The following CHD2 variants were observed in gnomAD, a reference collection of about 807,000 sequenced individuals.
CHD2 encodes chromodomain helicase DNA binding protein 2, also known as ATP-dependent chromatin remodeler CHD2.
CHD2 carries 28 observed loss-of-function variants against 243.9 expected under a neutral mutation model. The observed-to-expected ratio is 0.11, with a 90% confidence interval of 0.09 to 0.16. The LOEUF is 0.16. CHD2 is among the 10% of genes least tolerant of loss of function. The probability of loss-of-function intolerance (pLI) is 1.00; values close to 1 mark genes in which losing one functional copy is unlikely to be tolerated. For missense variants in CHD2, 1,386 were observed against 2,209.8 expected, an observed-to-expected ratio of 0.63 and a Z score of 7.47; for synonymous variants, 775 against 779.0, an observed-to-expected ratio of 0.99 and a Z score of 0.09.
intron 35 of CHD2, among the ~76,000 whole-genome samples, chr15:93,011,075 T>G (rs575372355): frequency 6.7e-6 from 1 of 150,318 alleles, no homozygotes. Flanking sequence ...CATCTGGCCT[T>G]TTTTTTTTTT....
Position 92,939,579 on chromosome 15 carries a change from A to G in CHD2, c.553A>G (p.Thr185Ala), listed in dbSNP as rs1442904433. 9.9e-6 allele frequency: 16 copies of G among 1,612,584 alleles called. No individual in the cohort carries two copies. The African/African-American group carries it at 1.9e-4, about 19-fold the overall frequency. The change falls in exon 7 of 39, where the codon ACA (threonine) becomes GCA (alanine). Residue 185 changes from threonine to alanine, a missense_variant and splice_region_variant. Thr to Ala is a moderately conservative substitution (Grantham distance 58). Transcript: ENST00000394196. ...VKARRPVPRR[T>A]VPKPRVKKQP... ...CTTTTGTTTCTCTTCTCATTTTAGAACAGTGCCCAAACCTCGTGTTAAAAA... is the reference window on the plus strand; with the variant it reads ...CTTTTGTTTCTCTTCTCATTTTAGAGCAGTGCCCAAACCTCGTGTTAAAAA...
rs1050483548 is a variant in CHD2, at chr15:93,018,559, A to G, written c.4907-1453A>G. Among the ~76,000 whole-genome samples the G allele has an allele frequency of 5.3e-5, 8 of 152,376 alleles. No homozygotes were observed. In the East Asian group the frequency reaches 7.7e-4, roughly 15 times the overall value. On this transcript the variant is annotated intron_variant, in intron 37 of 38. Coordinates refer to ENST00000394196, the MANE Select transcript of CHD2 (RefSeq NM_001271.4). ...TTCCTAGGGCTGTATATAACAAAGT[A>G]TCACAGACTAGGTGGCTTCAAACAT...
At chr15:92,926,187 G>C (rs533834042) in intron 3 of CHD2, among the ~76,000 whole-genome samples, 1 of 152,288 alleles carries the variant, frequency 6.6e-6, no homozygotes, top group Admixed American at 6.5e-5. Context: ...AGCCCAGGCT[G>C]ATCTTGAGCT....
chr15:92,904,034 A>G (rs2052569523), intron 2 of CHD2, among the ~76,000 whole-genome samples: 2 of 152,240 alleles, frequency 1.3e-5, no homozygotes, highest in Admixed American at 6.5e-5. Flanking sequence ...TTTGGAGAAG[A>G]CTGAATCTAA....
At chr15:92,955,126 A>G (rs962105616) in intron 14 of CHD2, among the ~76,000 whole-genome samples, 2 of 152,166 alleles carry the variant, frequency 1.3e-5, no homozygotes, top group Admixed American at 6.5e-5. Context: ...TTGAGTTCCA[A>G]TCACCAGGGT....
At chr15:92,986,386 C>G (rs1359363299) in intron 26 of CHD2, among the ~76,000 whole-genome samples, 1 of 151,714 alleles carries the variant, frequency 6.6e-6, no homozygotes, top group African/African-American at 2.4e-5. Flanking sequence ...TTAAATAGTC[C>G]TTTAAGTTTC....
At chr15:92,908,544 T>TA (rs1217131901) in intron 2 of CHD2, among the ~76,000 whole-genome samples, 1 of 152,182 alleles carries the variant, frequency 6.6e-6, no homozygotes, top group Non-Finnish European at 1.5e-5. Context: ...AGTTAATTTT[T>TA]AAAAGCTCTC....
At chr15:92,986,341 G>T (rs2054042337) in intron 26 of CHD2, among the ~76,000 whole-genome samples, 1 of 151,600 alleles carries the variant, frequency 6.6e-6, no homozygotes, top group South Asian at 2.1e-4. Context: ...AAAGTATAAA[G>T]ATGGTTTTAA....
rs1389260194 is a variant in CHD2, at chr15:93,025,087, T to C, written c.*382T>C. 9.9e-6 allele frequency: 2 copies of C among 201,812 alleles called. No homozygotes were observed. Among genetic ancestry groups the C allele is most frequent in the African/African-American group, 4.7e-5 (2 of 42,448 alleles). The allele number at this position is 201,812 out of a possible 1,614,324, so 12.5% of individuals were successfully genotyped here. A position where few individuals can be genotyped will look rare whatever the true frequency, so the allele number is the denominator to read the frequency against. On this transcript the variant is annotated 3_prime_UTR_variant, in exon 39 of 39. Coordinates refer to ENST00000394196, the MANE Select transcript of CHD2 (RefSeq NM_001271.4). The stretch of plus-strand genomic sequence containing the variant: ...TCAGTGTTCCCAGGACCTTAGTGCA[T>C]GGTCGGGGCAGGAACTGGTGCATGG...
In CHD2 at chr15:92,956,505, C is replaced by G; in HGVS notation, c.1856C>G (p.Ala619Gly). 3 of 1,613,900 alleles carry G rather than the reference C, an allele frequency of 1.9e-6. No homozygotes were observed. The highest frequency in any genetic ancestry group is 2.5e-6 in the Non-Finnish European group (3 of 1,179,888). The change falls in exon 16 of 39, where the codon GCC (alanine) becomes GGC (glycine). Residue 619 changes from alanine to glycine, a missense_variant. Ala to Gly is a moderately conservative substitution (Grantham distance 60, BLOSUM62 0). This residue lies in a region of CHD2 where 1 missense variants were observed against 22.1 expected (regional missense o/e 0.05). Transcript: ENST00000394196. ...INWAFLGVDE[A>G]HRLKNDDSLL... is the part of the protein sequence containing the mutation. The stretch of plus-strand genomic sequence containing the variant: ...TGGGCCTTTCTGGGAGTGGATGAAG[C>G]CCATCGGTTGAAGAATGATGACTCT...
At chr15:93,016,747 G>A (rs779626297) in intron 37 of CHD2, among the ~76,000 whole-genome samples, 12 of 140,468 alleles carry the variant, frequency 8.5e-5, no homozygotes, top group African/African-American at 2.6e-4. Flanking sequence ...GCACCACTGC[G>A]CTCCAGTCTG....
chr15:92,989,325 C>T (rs1222102220), intron 26 of CHD2, among the ~76,000 whole-genome samples: 1 of 152,178 alleles, frequency 6.6e-6, no homozygotes. Context: ...AGCCACCATG[C>T]CCAGCTTACT....
chr15:93,001,804 A>T (rs1242820573), intron 32 of CHD2, among the ~76,000 whole-genome samples: 3 of 152,226 alleles, frequency 2.0e-5, no homozygotes, highest in Non-Finnish European at 4.4e-5. Flanking sequence ...AGCATGAGCC[A>T]CTGTGCCTGG....
rs117666164 is a variant in CHD2 at position 92,965,720 on chromosome 15, A to G, written c.2001-1605A>G. On this transcript the variant is annotated intron_variant, in intron 16 of 38. Coordinates refer to ENST00000394196, the MANE Select transcript of CHD2 (RefSeq NM_001271.4). Reference sequence around the variant, plus strand: ...ATTCATAAACAAATAAATGATACTTATATCTCCTCAGTGTGTGTAGATCAA... The same window carrying G: ...ATTCATAAACAAATAAATGATACTTGTATCTCCTCAGTGTGTGTAGATCAA... 6.8e-4 allele frequency among the ~76,000 whole-genome samples: 103 copies of G among 152,282 alleles called. 1 individual carries two copies. In the East Asian group the frequency reaches 0.016, roughly 24 times the overall value.
At chr15:92,976,897 T>A (rs2053916922) in intron 20 of CHD2, among the ~76,000 whole-genome samples, 1 of 148,112 alleles carries the variant, frequency 6.8e-6, no homozygotes, top group African/African-American at 2.5e-5. Flanking sequence ...AGACCCTGTC[T>A]CAAAAAAAAA....
intron 2 of CHD2, among the ~76,000 whole-genome samples, chr15:92,913,490 C>T (rs1227393202): frequency 2.0e-5 from 3 of 152,154 alleles, no homozygotes; most frequent in Admixed American, 1.3e-4. Context: ...GCCAGAGATG[C>T]TCCCCAACAT....
intron 2 of CHD2, among the ~76,000 whole-genome samples, chr15:92,918,096 A>G (rs1596374292): frequency 6.6e-6 from 1 of 152,324 alleles, no homozygotes; most frequent in Non-Finnish European, 1.5e-5. Flanking sequence ...GGCTCCTTTT[A>G]AGTGGAATGT....
At chr15:93,007,925 T>C (rs1249110038) in intron 34 of CHD2, among the ~76,000 whole-genome samples, 2 of 152,234 alleles carry the variant, frequency 1.3e-5, no homozygotes, top group African/African-American at 4.8e-5. Context: ...TTGTTCACGT[T>C]ACACACTTTG....
At chr15:92,940,220 G>A (rs889301869) in intron 7 of CHD2, among the ~76,000 whole-genome samples, 3 of 152,154 alleles carry the variant, frequency 2.0e-5, no homozygotes, top group East Asian at 1.9e-4. Context: ...TTGGGAGGCC[G>A]AGGCAGGCAG....
Sources: allele counts gnomAD v4.1 joint callset (sites outside exome capture counted in the v4.1 genomes callset), GRCh38; gene constraint gnomAD v4.1.1; regional missense constraint gnomAD v4.1.1; transcripts MANE v1.5; gene names NCBI Gene and HGNC (gene_info 2026-07-23, HGNC 2026-07-21).